POT1: variants seen among roughly 807,000 people sequenced by gnomAD.
POT1 encodes protection of telomeres protein 1.
A neutral mutation model predicts 78.5 loss-of-function variants in POT1; 47 were observed. The observed-to-expected ratio is 0.60, with a 90% CI of 0.47 to 0.76. The LOEUF is 0.76. Ranked by LOEUF, POT1 falls within the 30% of genes least tolerant of loss-of-function variation. POT1 has a pLI of 0.00. For missense variants in POT1, 646 were observed against 749.9 expected (o/e 0.86, Z 1.62); for synonymous variants, 259 against 260.7 (o/e 0.99, Z 0.06).
At chr7:124,859,877 A>C (rs1795544349) in intron 8 of POT1, among the ~76,000 whole-genome samples, 1 of 151,836 alleles carries the variant, frequency 6.6e-6, no homozygotes, top group Admixed American at 6.6e-5. Context: ...AATAGAGAAA[A>C]ATATGGAATG....
At chr7:124,827,675 T>C (rs537440177) in intron 16 of POT1, among the ~76,000 whole-genome samples, 26 of 152,208 alleles carry the variant, frequency 1.7e-4, no homozygotes, top group Non-Finnish European at 3.5e-4. Flanking sequence ...TATTTCACTA[T>C]ACCTACATAG....
rs772428072 is a variant in POT1, at chr7:124,835,406, G to A, written c.1378C>T (p.Leu460Phe). 1.9e-6 allele frequency: 3 copies of A among 1,611,322 alleles called. No homozygotes were observed. The highest frequency in any genetic ancestry group is 2.2e-5 in the South Asian group (2 of 91,012). ...ECLLLIEGGT[L>F]SEICKLSNKF... ...TTCGAGAGTTTGCAAATTTCACTGA[G>A]TGTACCTCCTGTTAAGAGAATAAAT... Residue 460 changes from leucine (L) to phenylalanine (F), a missense_variant, in exon 15 of 19, where the codon CTC (leucine) becomes TTC (phenylalanine). Transcript: ENST00000357628.
At chr7:124,851,732 A>C (rs1795310427) in intron 11 of POT1, 140 bp downstream of exon 11, 4 of 673,768 alleles carry the variant, frequency 5.9e-6, no homozygotes, top group Non-Finnish European at 1.0e-5. Context: ...CATAGGCCAC[A>C]GATAAAGATT....
intron 15 of POT1, among the ~76,000 whole-genome samples, chr7:124,832,882 G>A (rs1157487338): frequency 6.6e-6 from 1 of 151,458 alleles, no homozygotes; most frequent in Admixed American, 6.6e-5. Context: ...AGTAAAAGAA[G>A]TAGTAGTATT....
intron 6 of POT1, among the ~76,000 whole-genome samples, chr7:124,884,749 T>C (rs1287185512): frequency 1.3e-5 from 2 of 152,182 alleles, no homozygotes; most frequent in Non-Finnish European, 2.9e-5. Flanking sequence ...TTTTTCCTAT[T>C]TGCTCACGTT....
rs746483447 is a variant in POT1 at position 124,859,116 on chromosome 7, C to T, written c.547-4G>A. On this transcript the variant is annotated splice_region_variant and splice_polypyrimidine_tract_variant and intron_variant, in intron 8 of 18. Coordinates refer to ENST00000357628, the MANE Select transcript of POT1 (RefSeq NM_015450.3). ...GTGTCCTGGTGCCATCCCATACCTG[C>T]CATAAGAGAGTAGAGTAGTTTTATG... 6.4e-7 allele frequency: 1 copy of T among 1,563,476 alleles called. No individual in the cohort carries two copies. The highest frequency in any genetic ancestry group is 2.3e-5 in the East Asian group (1 of 43,634).
intron 17 of POT1, 34 bp downstream of exon 17, chr7:124,827,179 TA>T (rs1247130468): frequency 2.5e-6 from 3 of 1,211,960 alleles, no homozygotes; most frequent in Non-Finnish European, 3.3e-6. Flanking sequence ...TATTATTTTT[TA>T]ATTAAAAATA....
chr7:124,859,156 A>C (rs1284219259), intron 8 of POT1, 44 bp from the exon 9 acceptor site: 17 of 1,419,052 alleles, frequency 1.2e-5, no homozygotes, highest in Non-Finnish European at 1.6e-5. Context: ...TTTTGAAAAA[A>C]TGCTTGTGCT....
chr7:124,909,875 T>A (rs1796851235), intron 3 of POT1, among the ~76,000 whole-genome samples: 2 of 151,830 alleles, frequency 1.3e-5, no homozygotes, highest in Admixed American at 1.3e-4. Context: ...TCTTAAAGGA[T>A]AAAGGTGAAA....
rs1584777699 is a variant in POT1 at position 124,870,910 on chromosome 7, C to T, written c.255+1G>A. The T allele has an allele frequency of 1.9e-6, 3 of 1,603,832 alleles. No homozygotes were observed. The highest frequency in any genetic ancestry group is 1.7e-6 in the Non-Finnish European group (2 of 1,174,786). ...TAAGTTCTAGACAATATGAATTATA[C>T]CTTCAGCCTGTGAAAGCGAACAATA... is the stretch of plus-strand genomic sequence containing the variant. On this transcript the variant is annotated splice_donor_variant, in intron 7 of 18. Coordinates refer to ENST00000357628, the MANE Select transcript of POT1 (RefSeq NM_015450.3). LOFTEE classifies it high-confidence loss of function.
At chr7:124,863,790 CA>C in intron 7 of POT1, 150 bp from the exon 8 acceptor site, 4 of 632,886 alleles carry the variant, frequency 6.3e-6, no homozygotes, top group Non-Finnish European at 1.1e-5. Context: ...ATTTAATTAG[CA>C]TGTAAATTCT....
chr7:124,860,715 G>A (rs1041723428), intron 8 of POT1, among the ~76,000 whole-genome samples: 3 of 151,942 alleles, frequency 2.0e-5, no homozygotes, highest in Non-Finnish European at 2.9e-5. Flanking sequence ...CCATCAACCC[G>A]TCATCTACGT....
intron 2 of POT1, among the ~76,000 whole-genome samples, chr7:124,925,304 T>C (rs528585441): frequency 6.6e-6 from 1 of 152,130 alleles, no homozygotes; most frequent in African/African-American, 2.4e-5. Context: ...AATGTTTCTA[T>C]ACATCAATAA....
At chr7:124,830,744 T>C (rs1251168743) in intron 15 of POT1, among the ~76,000 whole-genome samples, 1 of 151,852 alleles carries the variant, frequency 6.6e-6, no homozygotes, top group Non-Finnish European at 1.5e-5. Flanking sequence ...ACATACAAAT[T>C]AGAATGCCAG....
At chr7:124,926,841 G>C (rs2116727709) in intron 2 of POT1, among the ~76,000 whole-genome samples, 1 of 152,278 alleles carries the variant, frequency 6.6e-6, no homozygotes, top group East Asian at 1.9e-4. Context: ...GAGAAATACT[G>C]CATGTTCTCA....
At chr7:124,907,437 C>G (rs988751801) in intron 3 of POT1, among the ~76,000 whole-genome samples, 1 of 151,976 alleles carries the variant, frequency 6.6e-6, no homozygotes, top group Non-Finnish European at 1.5e-5. Context: ...AACTGCTTCA[C>G]CCCCCACAAA....
intron 3 of POT1, among the ~76,000 whole-genome samples, chr7:124,912,156 C>T (rs1796903132): frequency 6.6e-6 from 1 of 151,978 alleles, no homozygotes. Flanking sequence ...GTACTGAGTT[C>T]CCACTATGTG....
At chr7:124,880,484 C>G (rs535519563) in intron 6 of POT1, among the ~76,000 whole-genome samples, 3 of 152,102 alleles carry the variant, frequency 2.0e-5, no homozygotes, top group South Asian at 2.1e-4. Flanking sequence ...CCAAGATGAA[C>G]TGACAAAGCT....
intron 11 of POT1, among the ~76,000 whole-genome samples, chr7:124,849,565 A>C (rs1233760201): frequency 6.6e-6 from 1 of 152,192 alleles, no homozygotes. Flanking sequence ...TTTGGTAAAT[A>C]ATCTGGCAGC....
Sources: gnomAD v4.1 joint callset for allele counts (sites outside exome capture counted in the v4.1 genomes callset) on GRCh38, gnomAD v4.1.1 for gene constraint, MANE v1.5 for transcripts, NCBI Gene and HGNC (gene_info 2026-07-23, HGNC 2026-07-21) for gene names.